PHF24: variants seen among roughly 807,000 people sequenced by gnomAD.
PHF24 encodes PHD finger protein 24, also known as Galpha inhibitory interacting protein.
PHF24 carries 25 observed loss-of-function variants against 42.6 expected under a neutral mutation model. The observed-to-expected ratio is 0.59, with a 90% CI of 0.43 to 0.82. PHF24 has a LOEUF of 0.82. Ranked by LOEUF, PHF24 falls within the 40% of genes least tolerant of loss-of-function variation. The pLI is 0.00. For synonymous variants in PHF24, 185 were observed against 204.8 expected (o/e 0.90, Z 0.83); for missense variants, 470 against 538.1 (o/e 0.87, Z 1.25).
chr9:34,957,089 A>G (rs1056630711), upstream of PHF24, among the ~76,000 whole-genome samples: 37 of 152,254 alleles, frequency 2.4e-4, no homozygotes, highest in Non-Finnish European at 8.8e-5. Flanking sequence ...AAAATTAATG[A>G]CAACATATTT....
chr9:34,782,658 T>A, the PHF24 span, among the ~76,000 whole-genome samples: 1 of 152,108 alleles, frequency 6.6e-6, no homozygotes, highest in African/African-American at 2.4e-5. Flanking sequence ...GGGTCTGACT[T>A]AGAGAGGCAT....
chr9:34,934,087 A>G, the PHF24 span, among the ~76,000 whole-genome samples: 1 of 152,146 alleles, frequency 6.6e-6, no homozygotes, highest in Admixed American at 6.6e-5. Flanking sequence ...GTTATTCTTC[A>G]TAGTAAAATT....
the PHF24 span, among the ~76,000 whole-genome samples, chr9:34,912,958 A>G: frequency 2.0e-5 from 3 of 152,234 alleles, no homozygotes; most frequent in South Asian, 6.2e-4. Context: ...ATTGAAATAA[A>G]TAGAAATATA....
upstream of PHF24, among the ~76,000 whole-genome samples, chr9:34,956,535 A>C (rs1458399917): frequency 6.6e-6 from 1 of 152,220 alleles, no homozygotes; most frequent in Admixed American, 6.5e-5. Context: ...TACAGGCGTG[A>C]GCCACCACGC....
the PHF24 span, chr9:34,727,004 C>G: frequency 6.5e-7 from 1 of 1,540,852 alleles, no homozygotes; most frequent in Non-Finnish European, 8.8e-7. Flanking sequence ...AAGGGAAACA[C>G]GGCAAAATTA....
the PHF24 span, among the ~76,000 whole-genome samples, chr9:34,681,947 A>T: frequency 6.6e-6 from 1 of 152,312 alleles, no homozygotes; most frequent in African/African-American, 2.4e-5. Context: ...GTTGCAAGCC[A>T]CAAAAAAAGC....
chr9:34,881,056 C>T, the PHF24 span, among the ~76,000 whole-genome samples: 5 of 152,314 alleles, frequency 3.3e-5, no homozygotes, highest in Admixed American at 2.0e-4. Context: ...TTAAGAAACT[C>T]GCTCAAAACC....
the PHF24 span, chr9:34,922,255 C>G: frequency 1.3e-5 from 21 of 1,592,402 alleles, no homozygotes; most frequent in South Asian, 2.0e-4. Context: ...GTCAAGTTGT[C>G]TCTCAGTAAT....
chr9:34,914,499 A>G, the PHF24 span, among the ~76,000 whole-genome samples: 2 of 152,048 alleles, frequency 1.3e-5, no homozygotes, highest in Admixed American at 6.6e-5. Context: ...CTCTATATCT[A>G]TCGTCTTCTC....
chr9:34,904,103 G>T, the PHF24 span, among the ~76,000 whole-genome samples: 37 of 152,008 alleles, frequency 2.4e-4, no homozygotes, highest in Admixed American at 7.9e-4. Flanking sequence ...GGGTTTTTAG[G>T]GTAGACGATT....
chr9:34,924,239 T>C, the PHF24 span, among the ~76,000 whole-genome samples: 1 of 152,224 alleles, frequency 6.6e-6, no homozygotes, highest in Non-Finnish European at 1.5e-5. Flanking sequence ...TCCTTGAGAA[T>C]GTTCCATGTG....
At chr9:34,691,741 C>T in the PHF24 span, among the ~76,000 whole-genome samples, 2 of 152,310 alleles carry the variant, frequency 1.3e-5, no homozygotes, top group Admixed American at 1.3e-4. Flanking sequence ...AAGGTCATCA[C>T]TGTGCCTGCC....
At chr9:34,971,711 T>C (rs1826996214) in intron 2 of PHF24, 35 bp downstream of exon 2, 1 of 1,565,610 alleles carries the variant, frequency 6.4e-7, no homozygotes, top group South Asian at 1.2e-5. Flanking sequence ...CCTCAAGTCT[T>C]AGTGCATCAG....
At chr9:34,718,150 C>T in the PHF24 span, among the ~76,000 whole-genome samples, 3 of 152,206 alleles carry the variant, frequency 2.0e-5, no homozygotes, top group Non-Finnish European at 4.4e-5. Flanking sequence ...GCCCCTGTGG[C>T]CTTTGTAGCA....
the PHF24 span, among the ~76,000 whole-genome samples, chr9:34,756,958 G>A: frequency 2.0e-5 from 3 of 152,010 alleles, no homozygotes; most frequent in Non-Finnish European, 4.4e-5. Context: ...CCAGGCTGCA[G>A]TGCAGTGGCG....
chr9:34,694,737 G>C, the PHF24 span, among the ~76,000 whole-genome samples: 3 of 152,168 alleles, frequency 2.0e-5, no homozygotes, highest in Admixed American at 6.5e-5. Context: ...CCAAAGTGCT[G>C]GGATGACAGG....
chr9:34,862,729 A>G, the PHF24 span, among the ~76,000 whole-genome samples: 1 of 151,714 alleles, frequency 6.6e-6, no homozygotes, highest in South Asian at 2.1e-4. Flanking sequence ...TGTGGTGGCT[A>G]TGGGGGAAAG....
At chr9:34,978,202 C>A in exon 8 of PHF24, 2 of 1,012,366 alleles carry the variant, frequency 2.0e-6, no homozygotes, top group Non-Finnish European at 3.1e-6. Context: ...CACAGAGACT[C>A]ATGGGGTTGG....
chr9:34,966,068 A>G (rs527525529), intron 1 of PHF24, among the ~76,000 whole-genome samples: 82 of 152,354 alleles, frequency 5.4e-4, no homozygotes, highest in African/African-American at 1.8e-3. Flanking sequence ...CTAAGAACAA[A>G]GAAGATACTG....
Sources: allele counts gnomAD v4.1 joint callset (sites outside exome capture counted in the v4.1 genomes callset), GRCh38; gene constraint gnomAD v4.1.1; transcripts MANE v1.5; gene names NCBI Gene and HGNC (gene_info 2026-07-23, HGNC 2026-07-21).